Variants in SGCG observed in about 807,000 individuals in gnomAD.
The protein encoded by SGCG is gamma-sarcoglycan.
In SGCG, 26 loss-of-function variants were observed where a neutral mutation model predicts 29.3. The ratio of observed to expected loss-of-function variants is 0.89; its 90% confidence interval spans 0.65 to 1.23. The LOEUF is 1.23. SGCG is among the 50% of genes most tolerant of loss of function. The pLI, the probability that SGCG is intolerant of heterozygous loss-of-function variation, is 0.00. For synonymous variants in SGCG, 145 were observed against 129.7 expected (o/e 1.12, Z -0.80); for missense variants, 353 against 356.0 (o/e 0.99, Z 0.07).
At chr13:23,247,905 C>A (rs7321949) in intron 3 of SGCG, among the ~76,000 whole-genome samples, 99,369 of 147,812 alleles carry the variant, frequency 0.67, 33,796 homozygotes, top group East Asian at 0.91. Flanking sequence ...GAACTGTATA[C>A]TCACACCACT....
At chr13:23,223,544 G>C (rs1297918947) in intron 2 of SGCG, among the ~76,000 whole-genome samples, 1 of 152,130 alleles carries the variant, frequency 6.6e-6, no homozygotes, top group Non-Finnish European at 1.5e-5. Flanking sequence ...TTATTTTAAA[G>C]AAATTACTTG....
intron 5 of SGCG, among the ~76,000 whole-genome samples, chr13:23,295,033 A>T (rs1256410300): frequency 6.6e-6 from 1 of 152,234 alleles, no homozygotes; most frequent in African/African-American, 2.4e-5. Flanking sequence ...ATAATACAAG[A>T]TACAATTTTT....
intron 4 of SGCG, among the ~76,000 whole-genome samples, chr13:23,258,007 A>G (rs973825392): frequency 6.6e-6 from 1 of 152,036 alleles, no homozygotes; most frequent in Non-Finnish European, 1.5e-5. Context: ...TTCTTTTTGC[A>G]TAGGATTGTC....
At chr13:23,182,011 T>C (rs1876755550) in intron 1 of SGCG, among the ~76,000 whole-genome samples, 1 of 152,224 alleles carries the variant, frequency 6.6e-6, no homozygotes. Flanking sequence ...AGGATTCATT[T>C]CAGATTGTCT....
At chr13:23,248,672 C>G (rs1342603671) in intron 3 of SGCG, among the ~76,000 whole-genome samples, 1 of 143,256 alleles carries the variant, frequency 7.0e-6, no homozygotes, top group East Asian at 2.2e-4. Flanking sequence ...CCAGCCTGGG[C>G]GGCGGAACTA....
upstream of SGCG, among the ~76,000 whole-genome samples, chr13:23,177,357 A>T (rs1876590082): frequency 6.6e-6 from 1 of 152,018 alleles, no homozygotes; most frequent in African/African-American, 2.4e-5. Flanking sequence ...AGAAGAGGGG[A>T]TTTTGTGTGT....
intron 4 of SGCG, among the ~76,000 whole-genome samples, chr13:23,276,428 T>TTCC (rs1881070289): frequency 9.1e-6 from 1 of 110,058 alleles, no homozygotes; most frequent in Non-Finnish European, 2.0e-5. Flanking sequence ...CTTTTTTAGT[T>TTCC]TTCTTTTTTT....
At chr13:23,269,875 TTTTTTTTG>T (rs1249790864) in intron 4 of SGCG, among the ~76,000 whole-genome samples, 976 of 92,380 alleles carry the variant, frequency 0.011, 21 homozygotes, top group African/African-American at 0.031. Flanking sequence ...GTTTTTTTTG[TTTTTTTTG>T]TTTTTTTTTG....
chr13:23,175,291 AG>A, the SGCG span, among the ~76,000 whole-genome samples: 4 of 152,046 alleles, frequency 2.6e-5, no homozygotes, highest in Admixed American at 2.6e-4. Context: ...ACATGGAGGT[AG>A]AGGTGTAGTG....
rs114338713 is a variant in SGCG at position 23,251,609 on chromosome 13, A to C, written c.385+892A>C. On this transcript the variant is annotated intron_variant, in intron 4 of 7. Transcript: ENST00000218867. The stretch of plus-strand genomic sequence containing the variant: ...ATCAGCCTGGGCAACATCTCTAAAA[A>C]AATAATTTTAAAAATTAGCCAGGTG... Among the ~76,000 whole-genome samples, 913 of 152,118 alleles carry C rather than the reference A, an allele frequency of 6.0e-3. 8 individuals carry two copies. Among genetic ancestry groups the C allele is most frequent in the African/African-American group, 0.02 (827 of 41,522 alleles).
At chr13:23,300,331 A>G (rs1404905747) in intron 6 of SGCG, among the ~76,000 whole-genome samples, 1 of 152,192 alleles carries the variant, frequency 6.6e-6, no homozygotes, top group East Asian at 1.9e-4. Flanking sequence ...TCATGGTCAG[A>G]GTAGAGGAAG....
chr13:23,275,142 T>TATATATACATACATACATACATACATAC (rs1336045794), intron 4 of SGCG, among the ~76,000 whole-genome samples: 1 of 148,016 alleles, frequency 6.8e-6, no homozygotes, highest in African/African-American at 2.5e-5. Context: ...TATATATATA[T>TATATATACATACATACATACATACATAC]AGAAATGAGG....
At chr13:23,292,553 T>TA (rs982056734) in intron 5 of SGCG, among the ~76,000 whole-genome samples, 1 of 152,234 alleles carries the variant, frequency 6.6e-6, no homozygotes, top group African/African-American at 2.4e-5. Flanking sequence ...TGTGCTCAAA[T>TA]AAAAATTGCC....
chr13:23,276,782 C>T (rs978214093), intron 4 of SGCG, among the ~76,000 whole-genome samples: 9 of 152,228 alleles, frequency 5.9e-5, no homozygotes, highest in African/African-American at 1.9e-4. Flanking sequence ...ATCGCGTCTC[C>T]GGACGCTGCT....
At chr13:23,248,162 A>C (rs1879794728) in intron 3 of SGCG, among the ~76,000 whole-genome samples, 1 of 151,840 alleles carries the variant, frequency 6.6e-6, no homozygotes, top group African/African-American at 2.4e-5. Flanking sequence ...AAGATAAGCG[A>C]GATCTACACA....
At chr13:23,236,391 C>T (rs1285608029) in intron 3 of SGCG, among the ~76,000 whole-genome samples, 1 of 152,064 alleles carries the variant, frequency 6.6e-6, no homozygotes, top group African/African-American at 2.4e-5. Context: ...TAATAACTCT[C>T]AGTTGGCCAG....
chr13:23,219,627 C>T (rs985379097), intron 2 of SGCG, among the ~76,000 whole-genome samples: 1 of 151,946 alleles, frequency 6.6e-6, no homozygotes, highest in Non-Finnish European at 1.5e-5. Context: ...TTTAAATGTT[C>T]TCACAACAAA....
At chr13:23,220,673 A>C (rs1342472742) in intron 2 of SGCG, among the ~76,000 whole-genome samples, 1 of 152,206 alleles carries the variant, frequency 6.6e-6, no homozygotes, top group Non-Finnish European at 1.5e-5. Context: ...CTCACAATTT[A>C]GATGATCAAC....
intron 4 of SGCG, among the ~76,000 whole-genome samples, chr13:23,275,323 TG>T (rs1222412358): frequency 6.6e-6 from 1 of 151,818 alleles, no homozygotes; most frequent in Non-Finnish European, 1.5e-5. Context: ...AAGACTAGCC[TG>T]GGCAACATGG....
Sources: gnomAD v4.1 joint callset for allele counts (sites outside exome capture counted in the v4.1 genomes callset) on GRCh38, gnomAD v4.1.1 for gene constraint, MANE v1.5 for transcripts, NCBI Gene and HGNC (gene_info 2026-07-23, HGNC 2026-07-21) for gene names.